The following OCRL variants were observed in gnomAD, a reference collection of about 807,000 sequenced individuals.
The protein encoded by OCRL is inositol polyphosphate 5-phosphatase OCRL.
A neutral mutation model predicts 78.9 loss-of-function variants in OCRL; 8 were observed. That is an observed-to-expected ratio of 0.10 (90% CI 0.06 to 0.18). The LOEUF (loss-of-function observed/expected upper bound fraction) is 0.18, where lower values mean the gene tolerates loss of function less well. OCRL is among the 10% of genes least tolerant of loss of function. The pLI, the probability that OCRL is intolerant of heterozygous loss-of-function variation, is 1.00. For missense variants in OCRL, 454 were observed against 696.7 expected (o/e 0.65, Z 3.92); for synonymous variants, 240 against 235.4 (o/e 1.02, Z -0.18).
intron 15 of OCRL, among the ~76,000 whole-genome samples, chrX:129,573,721 AT>A (rs1221165760): frequency 6.5e-5 from 7 of 106,878 alleles, no homozygotes; most frequent in African/African-American, 1.0e-4. Flanking sequence ...TGCCTGGCTA[AT>A]TTTTTTTTTG....
Position 129,567,261 on chromosome X carries a change from T to C in OCRL, c.1364T>C (p.Ile455Thr). 8.4e-7 allele frequency: 1 copy of C among 1,191,667 alleles called. No homozygotes were observed. The highest frequency in any genetic ancestry group is 1.8e-5 in the South Asian group (1 of 56,485). Residue 455 changes from isoleucine (I) to threonine (T), a missense_variant, in exon 14 of 24, where the codon ATT becomes ACT. Around this residue, in one of 2 missense-constraint regions of OCRL, gnomAD observed 277 missense variants for 517.1 expected, o/e 0.54. Coordinates refer to ENST00000371113, the MANE Select transcript of OCRL (RefSeq NM_000276.4). Reference sequence around the variant, plus strand: ...GCTTCTTTCTATCTGTAGCTAAATATTCAGCGCACACAGAAAAAAGCTTTT... The same window carrying C: ...GCTTCTTTCTATCTGTAGCTAAATACTCAGCGCACACAGAAAAAAGCTTTT... Reference protein sequence around the residue: ...QRLLKFDQLNIQRTQKKAFVD... With the variant: ...QRLLKFDQLNTQRTQKKAFVD...
At chrX:129,571,653 C>T (rs1307038177) in intron 15 of OCRL, among the ~76,000 whole-genome samples, 4 of 111,047 alleles carry the variant, frequency 3.6e-5, no homozygotes, top group African/African-American at 1.3e-4. Flanking sequence ...GTTTTTAATA[C>T]TCCATACACA....
chrX:129,588,077 C>G, intron 20 of OCRL, 102 bp from the exon 21 acceptor site: 2 of 603,081 alleles, frequency 3.3e-6, no homozygotes, highest in Non-Finnish European at 5.8e-6. Flanking sequence ...ACACATACCA[C>G]CCTTCCCTTT....
chrX:129,556,066 CTAAT>C (rs1936043805), intron 4 of OCRL, among the ~76,000 whole-genome samples: 1 of 111,241 alleles, frequency 9.0e-6, no homozygotes, highest in African/African-American at 3.3e-5. Flanking sequence ...CTATTTTCTT[CTAAT>C]TAATTATTTT....
Position 129,576,493 on chromosome X carries a change from G to A in OCRL, c.2056G>A (p.Ala686Thr). Residue 686 changes from alanine (A) to threonine (T), a missense_variant, in exon 18 of 24, where the codon GCT (alanine) becomes ACT (threonine). Physicochemically the swap from Ala to Thr is moderately conservative, Grantham distance 58. Around this residue, in one of 2 missense-constraint regions of OCRL, gnomAD observed 277 missense variants for 517.1 expected, o/e 0.54. Transcript: ENST00000371113. ...LPSCFGTSLE[A>T]LCRMKRPIRE... ...AAGTTGTTTTGGCACATCCTTAGAG[G>A]CTCTGTGCCGTATGAAAAGACCAAT... is the stretch of plus-strand genomic sequence containing the variant. The A allele has an allele frequency of 1.7e-6, 2 of 1,210,992 alleles. No homozygotes were observed. The highest frequency in any genetic ancestry group is 2.2e-6 in the Non-Finnish European group (2 of 894,882).
Position 129,540,487 on chromosome X carries a change from C to T in OCRL, c.39+9C>T. The T allele has an allele frequency of 9.3e-7, 1 of 1,071,028 alleles. No individual in the cohort carries two copies. Among genetic ancestry groups the T allele is most frequent in the Non-Finnish European group, 1.2e-6 (1 of 817,057 alleles). 88.3% of individuals were successfully genotyped at this position (1,071,028 alleles called of 1,213,427 possible). Reference sequence around the variant, plus strand: ...GAGCCCAGCCGCTTGCCGTATCCGCCGGAGAGAAGGGAGAGGGGAGGCCGC... The same window carrying T: ...GAGCCCAGCCGCTTGCCGTATCCGCTGGAGAGAAGGGAGAGGGGAGGCCGC... On this transcript the variant is annotated intron_variant, in intron 1 of 23. Transcript: ENST00000371113.
chrX:129,589,245 G>A, intron 22 of OCRL: 1 of 411,410 alleles, frequency 2.4e-6, no homozygotes, highest in Non-Finnish European at 4.3e-6. Flanking sequence ...AGAAAACATA[G>A]TGGGGTGGAT....
At chrX:129,542,479 A>G (rs916491824) in intron 2 of OCRL, among the ~76,000 whole-genome samples, 3 of 106,622 alleles carry the variant, frequency 2.8e-5, no homozygotes, top group Non-Finnish European at 3.8e-5. Context: ...AAACTAACAT[A>G]TAACTAACAA....
chrX:129,558,986 A>G lies in OCRL; in HGVS notation c.707A>G (p.Asn236Ser). The change falls in exon 8 of 24, where the codon AAC becomes AGC. Residue 236 changes from asparagine to serine, a missense_variant. By Grantham distance (46) the Asn-to-Ser change is conservative (BLOSUM62 1). Coordinates refer to ENST00000371113, the MANE Select transcript of OCRL (RefSeq NM_000276.4). ...ILAKREKEYV[N>S]IQTFRFFVGT... ...GCAAAGCGAGAGAAAGAATATGTCAACATTCAGACTTTCAGGTTAGTGTCT... is the reference window on the plus strand; with the variant it reads ...GCAAAGCGAGAGAAAGAATATGTCAGCATTCAGACTTTCAGGTTAGTGTCT... The G allele has an allele frequency of 8.3e-7, 1 of 1,210,936 alleles. No homozygotes were observed. Among genetic ancestry groups the G allele is most frequent in the Non-Finnish European group, 1.1e-6 (1 of 894,919 alleles).
At chrX:129,565,737 C>T (rs199547377) in intron 12 of OCRL, 35 bp from the exon 13 acceptor site, 38 of 1,047,132 alleles carry the variant, frequency 3.6e-5, no homozygotes, top group Non-Finnish European at 4.3e-5. Flanking sequence ...TTATGCTAAT[C>T]GCTACTTCTG....
intron 22 of OCRL, 99 bp downstream of exon 22, chrX:129,589,112 A>G: frequency 5.3e-6 from 5 of 939,472 alleles, no homozygotes; most frequent in Non-Finnish European, 7.6e-6. Flanking sequence ...GTCTGGTAGG[A>G]TGGGTCTGCA....
At chrX:129,559,215 T>C (rs1936109123) in intron 8 of OCRL, among the ~76,000 whole-genome samples, 1 of 111,778 alleles carries the variant, frequency 8.9e-6, no homozygotes, top group African/African-American at 3.3e-5. Flanking sequence ...TTTTTTTGTG[T>C]GTGTGGGTCA....
chrX:129,582,310 C>T (rs897917785), intron 18 of OCRL, among the ~76,000 whole-genome samples: 3 of 112,140 alleles, frequency 2.7e-5, no homozygotes, highest in Admixed American at 9.4e-5. Context: ...TGGAACTCCT[C>T]ACCCCAACTC....
At chrX:129,557,751 T>C (rs1602780979) in intron 5 of OCRL, 110 bp from the exon 6 acceptor site, 1 of 604,348 alleles carries the variant, frequency 1.7e-6, no homozygotes, top group Non-Finnish European at 2.9e-6. Flanking sequence ...TATCCAAAAA[T>C]GGTGCTGGCC....
intron 4 of OCRL, among the ~76,000 whole-genome samples, chrX:129,550,674 C>T (rs1475288193): frequency 9.0e-6 from 1 of 111,491 alleles, no homozygotes; most frequent in African/African-American, 3.2e-5. Context: ...GGATATTTAT[C>T]TTTTATCCAG....
intron 10 of OCRL, among the ~76,000 whole-genome samples, chrX:129,561,771 T>C (rs1015658897): frequency 1.8e-5 from 2 of 111,709 alleles, no homozygotes; most frequent in African/African-American, 6.5e-5. Flanking sequence ...TTAGAAGGTA[T>C]GTGGTAAAGG....
chrX:129,561,217 A>G lies in OCRL; in HGVS notation c.863A>G (p.Tyr288Cys). ...ELDLSTEAFF[Y>C]FESVKEQEWS... ...GACTTGAGCACAGAAGCCTTCTTCT[A>G]CTTTGAATCTGTGAAGGAACAAGAA... The change falls in exon 10 of 24, where the codon TAC becomes TGC. Residue 288 changes from tyrosine to cysteine, a missense_variant. By Grantham distance (194) the Tyr-to-Cys change is radical (BLOSUM62 -2). Coordinates refer to ENST00000371113, the MANE Select transcript of OCRL (RefSeq NM_000276.4). 6.6e-6 allele frequency: 8 copies of G among 1,209,023 alleles called. No homozygotes were observed. The highest frequency in any genetic ancestry group is 9.0e-6 in the Non-Finnish European group (8 of 892,999).
chrX:129,576,362 C>A lies in OCRL; in HGVS notation c.1925C>A (p.Ser642Tyr). 3 of 1,211,302 alleles carry A rather than the reference C, an allele frequency of 2.5e-6. No homozygotes were observed. The highest frequency in any genetic ancestry group is 3.4e-6 in the Non-Finnish European group (3 of 894,979). ...CTTGATGTGTATGTCAGCAAAGACT[C>A]TGTAACCATCCTGAACTCGGGAGAA... ...ISLDVYVSKD[S>Y]VTILNSGEDK... The change falls in exon 18 of 24, where the codon TCT becomes TAT. Residue 642 changes from serine (S) to tyrosine (Y), a missense_variant. Ser to Tyr is a moderately radical substitution (Grantham distance 144). Around this residue, in one of 2 missense-constraint regions of OCRL, gnomAD observed 277 missense variants for 517.1 expected, o/e 0.54. Transcript: ENST00000371113.
intron 4 of OCRL, among the ~76,000 whole-genome samples, chrX:129,553,810 G>A (rs770402881): frequency 8.9e-6 from 1 of 111,823 alleles, no homozygotes; most frequent in Non-Finnish European, 1.9e-5. Context: ...GATAGTAGTA[G>A]GAGACTGATT....
Sources: allele counts gnomAD v4.1 joint callset (sites outside exome capture counted in the v4.1 genomes callset), GRCh38; gene constraint gnomAD v4.1.1; regional missense constraint gnomAD v4.1.1; transcripts MANE v1.5; gene names NCBI Gene and HGNC (gene_info 2026-07-23, HGNC 2026-07-21).